Variants in STRBP observed in about 807,000 individuals in gnomAD.
The protein encoded by STRBP is spermatid perinuclear RNA binding protein.
Under a neutral mutation model 80.1 loss-of-function variants are expected in STRBP, and 13 were observed. The observed-to-expected ratio is 0.16, with a 90% CI of 0.11 to 0.26. STRBP has a LOEUF of 0.26. Ranked by LOEUF, STRBP falls within the 10% of genes least tolerant of loss-of-function variation. STRBP has a pLI of 1.00. For missense variants in STRBP, 485 were observed against 815.2 expected (o/e 0.59, Z 4.93); for synonymous variants, 284 against 291.2 (o/e 0.98, Z 0.25).
chr9:123,205,551 A>G (rs896099319), intron 2 of STRBP, among the ~76,000 whole-genome samples: 2 of 152,248 alleles, frequency 1.3e-5, no homozygotes, highest in African/African-American at 2.4e-5. Context: ...CAAATTACCA[A>G]TTTTGAAACA....
chr9:123,140,159 A>G (rs2036528132), intron 13 of STRBP, among the ~76,000 whole-genome samples: 1 of 152,246 alleles, frequency 6.6e-6, no homozygotes, highest in African/African-American at 2.4e-5. Context: ...TCTAAGTTAT[A>G]TGACTCAATC....
chr9:123,123,677 A>G lies in STRBP; in HGVS notation c.*1920T>C, dbSNP rs534015374. The G allele has an allele frequency of 5.1e-6, 5 of 985,444 alleles. No homozygotes were observed. In the African/African-American group the frequency reaches 5.2e-5, roughly 10 times the overall value. The allele number at this position is 985,444 out of a possible 1,614,324, so 61.0% of individuals were successfully genotyped here. On this transcript the variant is annotated 3_prime_UTR_variant, in exon 19 of 19. Coordinates refer to ENST00000348403, the MANE Select transcript of STRBP (RefSeq NM_018387.5). ...CTTCAAAAGAATTTTCTAACGAGAA[A>G]TATCTAGAGATTCCAACGTGGAATC...
At chr9:123,193,499 T>C (rs1241457829) in intron 2 of STRBP, among the ~76,000 whole-genome samples, 5 of 152,220 alleles carry the variant, frequency 3.3e-5, no homozygotes, top group African/African-American at 1.2e-4. Flanking sequence ...TTCAGGACTT[T>C]AGTGCTGTAC....
chr9:123,222,239 GGCCTGTGGTA>G (rs2040090579), intron 2 of STRBP, among the ~76,000 whole-genome samples: 1 of 148,392 alleles, frequency 6.7e-6, no homozygotes, highest in Non-Finnish European at 1.5e-5. Flanking sequence ...TCTCAAATTT[GGCCTGTGGTA>G]GCCTTTACAA....
At chr9:123,207,813 A>G (rs919361910) in intron 2 of STRBP, among the ~76,000 whole-genome samples, 1 of 151,170 alleles carries the variant, frequency 6.6e-6, no homozygotes, top group South Asian at 2.1e-4. Flanking sequence ...GAGGAAAAAA[A>G]TCTGAAACAA....
chr9:123,267,784 G>A (rs533531693), intron 1 of STRBP, among the ~76,000 whole-genome samples: 1 of 149,318 alleles, frequency 6.7e-6, no homozygotes, highest in Admixed American at 6.7e-5. Flanking sequence ...TCCTGCTCGA[G>A]TCCCCAGTCT....
intron 18 of STRBP, 67 bp downstream of exon 18, chr9:123,128,147 T>C (rs911662532): frequency 1.1e-5 from 18 of 1,580,618 alleles, no homozygotes; most frequent in Admixed American, 1.0e-4. Flanking sequence ...AAACCCTAGA[T>C]AGAAACTGTG....
chr9:123,167,778 CA>C (rs2037832068), intron 6 of STRBP, among the ~76,000 whole-genome samples: 1 of 152,084 alleles, frequency 6.6e-6, no homozygotes, highest in Non-Finnish European at 1.5e-5. Context: ...GTAACTCAAA[CA>C]CCTTGAAGAG....
At chr9:123,187,260 C>A (rs1002424887) in intron 2 of STRBP, among the ~76,000 whole-genome samples, 1 of 109,310 alleles carries the variant, frequency 9.1e-6, no homozygotes, top group East Asian at 2.8e-4. Context: ...GGACAAACTT[C>A]AGCTATTTAA....
chr9:123,266,809 A>G (rs897967746), intron 1 of STRBP, among the ~76,000 whole-genome samples: 6 of 151,934 alleles, frequency 3.9e-5, no homozygotes, highest in Non-Finnish European at 8.8e-5. Flanking sequence ...CACTATAGGT[A>G]TTAAGCATTC....
chr9:123,199,469 G>A (rs2039229920), intron 2 of STRBP, among the ~76,000 whole-genome samples: 1 of 152,160 alleles, frequency 6.6e-6, no homozygotes, highest in Non-Finnish European at 1.5e-5. Flanking sequence ...ATTGCTTTGG[G>A]CAGTATAGTC....
At chr9:123,113,271 A>T (rs1351246461) in intron 3 of STRBP, 2 of 166,154 alleles carry the variant, frequency 1.2e-5, no homozygotes, top group African/African-American at 4.8e-5. Flanking sequence ...CAGCCCAGAG[A>T]ATCCAGTCCA....
Position 123,158,099 on chromosome 9 carries a change from C to T in STRBP, c.958G>A (p.Gly320Ser), listed in dbSNP as rs1162057818. 1 of 1,608,300 alleles carries T rather than the reference C, an allele frequency of 6.2e-7. No homozygotes were observed. The highest frequency in any genetic ancestry group is 8.5e-7 in the Non-Finnish European group (1 of 1,177,774). The change falls in exon 11 of 19, where the codon GGC (glycine) becomes AGC (serine). Residue 320 changes from glycine to serine, a missense_variant. By Grantham distance (56) the Gly-to-Ser change is moderately conservative. This residue lies in a region of STRBP where 377 missense variants were observed against 616.1 expected (regional missense o/e 0.61). Transcript: ENST00000348403. Reference sequence around the variant, plus strand: ...ATCTCCAGCACTTTGTAAATCTGGCCAAAGGCTGATAGTCTGAGTGCATGC... The same window carrying T: ...ATCTCCAGCACTTTGTAAATCTGGCTAAAGGCTGATAGTCTGAGTGCATGC... ...AQHALRLSAF[G>S]QIYKVLEMDP...
chr9:123,265,836 C>A (rs1474936879), intron 1 of STRBP, among the ~76,000 whole-genome samples: 1 of 152,188 alleles, frequency 6.6e-6, no homozygotes, highest in Non-Finnish European at 1.5e-5. Flanking sequence ...TTACCTGAAC[C>A]ATTTGGGAGA....
intron 2 of STRBP, among the ~76,000 whole-genome samples, chr9:123,234,150 G>C (rs887168199): frequency 6.9e-6 from 1 of 145,650 alleles, no homozygotes; most frequent in Non-Finnish European, 1.5e-5. Flanking sequence ...GTGGTGAGCA[G>C]AGATCACACC....
chr9:123,186,471 G>C (rs936762979), intron 2 of STRBP, among the ~76,000 whole-genome samples: 109 of 152,094 alleles, frequency 7.2e-4, no homozygotes, highest in African/African-American at 2.5e-3. Context: ...CATTTAGCAT[G>C]GGGGGTAACT....
rs538910226 is a variant in STRBP at position 123,125,462 on chromosome 9, A to G, written c.*135T>C. 7.8e-6 allele frequency: 10 copies of G among 1,280,792 alleles called. No homozygotes were observed. Among genetic ancestry groups the G allele is most frequent in the South Asian group, 3.3e-5 (1 of 30,076 alleles). 79.3% of individuals were successfully genotyped at this position (1,280,792 alleles called of 1,614,324 possible). A position where few individuals can be genotyped will look rare whatever the true frequency, so the allele number is the denominator to read the frequency against. ...CTAAATTTGCATTTGTTAAAATCAAAAAGTAGGAAAGATGTTCTTTACAAA... is the reference window on the plus strand; with the variant it reads ...CTAAATTTGCATTTGTTAAAATCAAGAAGTAGGAAAGATGTTCTTTACAAA... On this transcript the variant is annotated 3_prime_UTR_variant, in exon 19 of 19. Coordinates refer to ENST00000348403, the MANE Select transcript of STRBP (RefSeq NM_018387.5).
intron 13 of STRBP, among the ~76,000 whole-genome samples, chr9:123,140,480 G>C (rs1156299779): frequency 1.3e-5 from 2 of 152,116 alleles, no homozygotes; most frequent in African/African-American, 2.4e-5. Flanking sequence ...TGTAATTCCA[G>C]CTACTTGGGA....
intron 16 of STRBP, among the ~76,000 whole-genome samples, chr9:123,135,636 C>A (rs970591660): frequency 6.6e-6 from 1 of 152,106 alleles, no homozygotes; most frequent in African/African-American, 2.4e-5. Context: ...AAGCACGAAA[C>A]TGCAAAGGAA....
Sources: gnomAD v4.1 joint callset for allele counts (sites outside exome capture counted in the v4.1 genomes callset) on GRCh38, gnomAD v4.1.1 for gene constraint, gnomAD v4.1.1 regional missense constraint, MANE v1.5 for transcripts, NCBI Gene and HGNC (gene_info 2026-07-23, HGNC 2026-07-21) for gene names.